Variants in NCOA2 observed in about 807,000 individuals in gnomAD.
The protein encoded by NCOA2 is class E basic helix-loop-helix protein 75.
NCOA2 carries 21 observed loss-of-function variants against 145.1 expected under a neutral mutation model. The ratio of observed to expected loss-of-function variants is 0.14; its 90% CI spans 0.10 to 0.21. The LOEUF is 0.21. Ranked by LOEUF, NCOA2 falls within the 10% of genes least tolerant of loss-of-function variation. NCOA2 has a pLI of 1.00. For missense variants in NCOA2, 1,472 were observed against 1,837.6 expected, an observed-to-expected ratio of 0.80 and a Z score of 3.64; for synonymous variants, 619 against 637.5, an observed-to-expected ratio of 0.97 and a Z score of 0.44.
At chr8:70,365,369 C>CA (rs961988864) in intron 1 of NCOA2, among the ~76,000 whole-genome samples, 42 of 151,790 alleles carry the variant, frequency 2.8e-4, no homozygotes, top group African/African-American at 7.2e-4. Context: ...AACAAACAAA[C>CA]AAAAAAAACA....
At chr8:70,260,363 C>A (rs1251727264) in intron 2 of NCOA2, among the ~76,000 whole-genome samples, 3 of 152,044 alleles carry the variant, frequency 2.0e-5, no homozygotes, top group Non-Finnish European at 4.4e-5. Context: ...GATCTCCTGG[C>A]CTCAAGCAAT....
At chr8:70,187,564 G>T (rs897342922) in intron 4 of NCOA2, among the ~76,000 whole-genome samples, 10 of 152,132 alleles carry the variant, frequency 6.6e-5, no homozygotes, top group Admixed American at 2.0e-4. Flanking sequence ...TACAGACTGT[G>T]AGCACCATGG....
chr8:70,370,756 AGAAG>A (rs988796901), intron 1 of NCOA2, among the ~76,000 whole-genome samples: 3 of 152,338 alleles, frequency 2.0e-5, no homozygotes, highest in Non-Finnish European at 2.9e-5. Flanking sequence ...GAAAAAAAAG[AGAAG>A]GAAGGGAATA....
At chr8:70,161,473 T>C (rs1264340501) in intron 9 of NCOA2, among the ~76,000 whole-genome samples, 2 of 152,192 alleles carry the variant, frequency 1.3e-5, no homozygotes, top group Non-Finnish European at 2.9e-5. Context: ...TGTTGGATTA[T>C]GCACTTATTT....
chr8:70,447,168 T>C, the NCOA2 span, among the ~76,000 whole-genome samples: 2 of 152,204 alleles, frequency 1.3e-5, no homozygotes, highest in Admixed American at 1.3e-4. Flanking sequence ...GGCATTTTAT[T>C]TGAGGAAAAC....
intron 1 of NCOA2, among the ~76,000 whole-genome samples, chr8:70,356,285 A>G (rs1809676531): frequency 6.6e-6 from 1 of 152,082 alleles, no homozygotes; most frequent in Non-Finnish European, 1.5e-5. Context: ...AGTAAGACCC[A>G]ATGTCTGTAA....
the NCOA2 span, among the ~76,000 whole-genome samples, chr8:70,441,830 GA>G: frequency 3.5e-5 from 5 of 140,886 alleles, no homozygotes; most frequent in Admixed American, 7.3e-5. Flanking sequence ...AAAGAAGAAA[GA>G]AAGAAAGAAA....
At chr8:70,129,179 A>G (rs1263479295) in intron 16 of NCOA2, among the ~76,000 whole-genome samples, 199 bp from the exon 17 acceptor site, 1 of 152,136 alleles carries the variant, frequency 6.6e-6, no homozygotes, top group Non-Finnish European at 1.5e-5. Context: ...CTCTGGTTAC[A>G]CAAGGACAGA....
At chr8:70,128,327 C>T in intron 18 of NCOA2, 106 bp downstream of exon 18, 1 of 927,242 alleles carries the variant, frequency 1.1e-6, no homozygotes. Flanking sequence ...GGCTAGTGTG[C>T]TGATCTGGAT....
rs115610006 is a variant in NCOA2, at chr8:70,311,610, T to C, written c.-76-14810A>G. On this transcript the variant is annotated intron_variant, in intron 1 of 22. Transcript: ENST00000452400. ...GTTGCAATATCTGGGAAGAAGATAT[T>C]GAAGAATGTCTTACTTAACAGACAG... Among the ~76,000 whole-genome samples, 514 of 152,326 alleles carry C rather than the reference T, an allele frequency of 3.4e-3. 3 individuals carry two copies. Among genetic ancestry groups the C allele is most frequent in the African/African-American group, 0.011 (474 of 41,568 alleles).
chr8:70,389,584 C>T (rs1032708555), intron 1 of NCOA2, among the ~76,000 whole-genome samples: 1 of 151,486 alleles, frequency 6.6e-6, no homozygotes, highest in Non-Finnish European at 1.5e-5. Context: ...CTGGCCAACG[C>T]CAACATTTTT....
chr8:70,207,176 C>A (rs1271766350), intron 4 of NCOA2, among the ~76,000 whole-genome samples: 1 of 152,160 alleles, frequency 6.6e-6, no homozygotes, highest in Non-Finnish European at 1.5e-5. Context: ...GCAATACATA[C>A]AGTATTGATG....
chr8:70,192,866 AGAC>A (rs1816838601), intron 4 of NCOA2, among the ~76,000 whole-genome samples: 1 of 152,084 alleles, frequency 6.6e-6, no homozygotes, highest in Non-Finnish European at 1.5e-5. Flanking sequence ...CAGGAGTTCG[AGAC>A]CAGCCTGACC....
chr8:70,271,364 T>C (rs1825032071), intron 2 of NCOA2, among the ~76,000 whole-genome samples: 1 of 152,208 alleles, frequency 6.6e-6, no homozygotes, highest in African/African-American at 2.4e-5. Flanking sequence ...CTATAAAGGG[T>C]ACCCTGACTG....
At chr8:70,135,924 C>T (rs895332106) in intron 15 of NCOA2, among the ~76,000 whole-genome samples, 1 of 152,140 alleles carries the variant, frequency 6.6e-6, no homozygotes, top group Admixed American at 6.5e-5. Flanking sequence ...AAATTCTCAG[C>T]ACTTGATTGA....
chr8:70,440,162 G>T, the NCOA2 span, among the ~76,000 whole-genome samples: 1 of 152,118 alleles, frequency 6.6e-6, no homozygotes, highest in South Asian at 2.1e-4. Flanking sequence ...GCGCACACCT[G>T]TAGTCTCGGG....
chr8:70,362,496 T>C (rs972909892), intron 1 of NCOA2, among the ~76,000 whole-genome samples: 1 of 152,116 alleles, frequency 6.6e-6, no homozygotes, highest in East Asian at 1.9e-4. Context: ...GTGCAAAAGA[T>C]TTTAGCAGAC....
chr8:70,419,117 A>C, the NCOA2 span, among the ~76,000 whole-genome samples: 29 of 151,658 alleles, frequency 1.9e-4, no homozygotes, highest in East Asian at 5.0e-3. Context: ...AAAAAAAAAA[A>C]CTAGATATCC....
intron 2 of NCOA2, among the ~76,000 whole-genome samples, chr8:70,263,335 C>T (rs1208719119): frequency 2.6e-5 from 4 of 151,426 alleles, no homozygotes; most frequent in African/African-American, 9.7e-5. Flanking sequence ...CAATTTAAAA[C>T]TCATGGATTA....
Sources: allele counts gnomAD v4.1 joint callset (sites outside exome capture counted in the v4.1 genomes callset), GRCh38; gene constraint gnomAD v4.1.1; transcripts MANE v1.5; gene names NCBI Gene and HGNC (gene_info 2026-07-23, HGNC 2026-07-21).